The following RGS7 variants were observed in gnomAD, a reference collection of about 807,000 sequenced individuals.
The protein encoded by RGS7 is regulator of G protein signaling 7.
RGS7 carries 27 observed loss-of-function variants against 81.1 expected under a neutral mutation model. The observed-to-expected ratio is 0.33, with a 90% CI of 0.25 to 0.46. The LOEUF (loss-of-function observed/expected upper bound fraction) is 0.46. Ranked by LOEUF, RGS7 falls within the 20% of genes least tolerant of loss-of-function variation. RGS7 has a pLI of 1.00. For synonymous variants in RGS7, 208 were observed against 207.7 expected, an observed-to-expected ratio of 1.00 and a Z score of -0.01; for missense variants, 396 against 607.4, an observed-to-expected ratio of 0.65 and a Z score of 3.66.
At chr1:241,052,605 A>C (rs2061309824) in intron 3 of RGS7, among the ~76,000 whole-genome samples, 1 of 152,150 alleles carries the variant, frequency 6.6e-6, no homozygotes, top group East Asian at 1.9e-4. Context: ...CTGATGACCC[A>C]TGTCAAGGTT....
intron 3 of RGS7, chr1:240,998,670 A>G (rs1033801165): frequency 2.6e-6 from 3 of 1,151,410 alleles, no homozygotes; most frequent in African/African-American, 3.0e-5. Flanking sequence ...GCCAGGCCAA[A>G]AGGGTTCAAC....
At chr1:240,892,526 A>C (rs971677355) in intron 6 of RGS7, among the ~76,000 whole-genome samples, 1 of 152,104 alleles carries the variant, frequency 6.6e-6, no homozygotes, top group Non-Finnish European at 1.5e-5. Flanking sequence ...TTTCTTTCTT[A>C]CTGCTGTTAA....
intron 4 of RGS7, among the ~76,000 whole-genome samples, chr1:240,943,588 A>C (rs1052134880): frequency 6.6e-6 from 1 of 152,140 alleles, no homozygotes; most frequent in Admixed American, 6.5e-5. Context: ...CTTCCAATTC[A>C]ACTCTATTTT....
intron 10 of RGS7, among the ~76,000 whole-genome samples, chr1:240,826,631 G>A (rs1692881295): frequency 6.6e-6 from 1 of 152,086 alleles, no homozygotes; most frequent in Non-Finnish European, 1.5e-5. Context: ...TTTTCAAAGG[G>A]TTATTTAAAA....
intron 2 of RGS7, among the ~76,000 whole-genome samples, chr1:241,326,856 G>A (rs1352278289): frequency 1.3e-5 from 2 of 149,940 alleles, no homozygotes; most frequent in Non-Finnish European, 3.0e-5. Context: ...GCTGCGGTGA[G>A]CTGAGATCAT....
rs1206177843 is a variant in RGS7 at position 240,999,606 on chromosome 1, T to A, written c.176-16477A>T. 2.0e-5 allele frequency among the ~76,000 whole-genome samples: 3 copies of A among 152,160 alleles called. No individual in the cohort carries two copies. The South Asian group carries it at 6.2e-4, about 32-fold the overall frequency. On this transcript the variant is annotated intron_variant, in intron 3 of 18. Coordinates refer to ENST00000440928, the MANE Select transcript of RGS7 (RefSeq NM_001364886.1). ...GTTCTTGGTACGATGAGTATTTTGT[T>A]GTTGTTGTTGTTAATACAGCGTCTC...
chr1:241,275,552 T>C (rs534696600), intron 2 of RGS7, among the ~76,000 whole-genome samples: 2 of 150,928 alleles, frequency 1.3e-5, no homozygotes, highest in East Asian at 3.9e-4. Flanking sequence ...AGGCCGTCCT[T>C]CTCTCTCTCA....
At chr1:241,286,425 C>T (rs2078814399) in intron 2 of RGS7, among the ~76,000 whole-genome samples, 1 of 152,184 alleles carries the variant, frequency 6.6e-6, no homozygotes, top group South Asian at 2.1e-4. Flanking sequence ...ACGCCACTTC[C>T]GTTCCTTCCA....
chr1:240,889,291 G>T (rs1455420625), intron 6 of RGS7, among the ~76,000 whole-genome samples: 2 of 152,164 alleles, frequency 1.3e-5, no homozygotes. Context: ...TAAATTGTAA[G>T]AGGGAATCAA....
At chr1:240,933,136 C>G (rs1049326265) in intron 5 of RGS7, among the ~76,000 whole-genome samples, 1 of 151,254 alleles carries the variant, frequency 6.6e-6, no homozygotes, top group South Asian at 2.1e-4. Context: ...CCCCCCTCGG[C>G]CCCACAAAGT....
At chr1:241,267,861 CT>C (rs921819857) in intron 2 of RGS7, among the ~76,000 whole-genome samples, 9 of 152,108 alleles carry the variant, frequency 5.9e-5, no homozygotes, top group Non-Finnish European at 7.4e-5. Flanking sequence ...TTGAAGCATT[CT>C]TTTTTTCTAT....
At chr1:240,920,353 G>A in intron 6 of RGS7, 1 of 1,535,944 alleles carries the variant, frequency 6.5e-7, no homozygotes, top group Non-Finnish European at 8.9e-7. Flanking sequence ...TGTTGTGGTG[G>A]TGGATATGGT....
chr1:241,210,443 C>A (rs981173745), intron 2 of RGS7, among the ~76,000 whole-genome samples: 1 of 152,104 alleles, frequency 6.6e-6, no homozygotes. Context: ...CCACCACGCC[C>A]GGCTCCAGGA....
At chr1:241,095,001 C>G (rs1188097558) in intron 3 of RGS7, among the ~76,000 whole-genome samples, 2 of 152,216 alleles carry the variant, frequency 1.3e-5, no homozygotes. Flanking sequence ...CTAGATTATT[C>G]TTCCTAACTG....
intron 3 of RGS7, among the ~76,000 whole-genome samples, chr1:241,097,233 T>C (rs1038089539): frequency 9.2e-5 from 14 of 151,680 alleles, no homozygotes; most frequent in Non-Finnish European, 1.9e-4. Context: ...AGTGGGACGG[T>C]GAGGAGAGGA....
intron 2 of RGS7, among the ~76,000 whole-genome samples, chr1:241,114,569 T>G (rs2102968526): frequency 6.6e-6 from 1 of 152,312 alleles, no homozygotes; most frequent in Middle Eastern, 3.4e-3. Flanking sequence ...CAGAATTATG[T>G]CTTTTATAGA....
intron 2 of RGS7, among the ~76,000 whole-genome samples, chr1:241,224,714 A>G (rs1264891464): frequency 1.3e-5 from 2 of 152,158 alleles, no homozygotes; most frequent in Non-Finnish European, 2.9e-5. Flanking sequence ...CTGAGACAGC[A>G]CGAAGGCCCA....
chr1:241,259,667 A>AAAAAATATATATATATATATAT, intron 2 of RGS7, among the ~76,000 whole-genome samples: 2 of 49,146 alleles, frequency 4.1e-5, no homozygotes, highest in African/African-American at 8.0e-5. Flanking sequence ...AAAAAAAAAA[A>AAAAAATATATATATATATATAT]ATATATATAT....
rs373075494 is a variant in RGS7, at chr1:240,831,056, G to A, written c.610-3884C>T. 7.2e-5 allele frequency among the ~76,000 whole-genome samples: 11 copies of A among 152,294 alleles called. No individual in the cohort carries two copies. The East Asian group carries it at 1.9e-3, about 27-fold the overall frequency. ...TTGATTTTAAAAGTAAATGTCATTA[G>A]AGACTGAACGGTAAGATATGTTTTA... On this transcript the variant is annotated intron_variant, in intron 9 of 18. Transcript: ENST00000440928.
Sources: allele counts gnomAD v4.1 joint callset (sites outside exome capture counted in the v4.1 genomes callset), GRCh38; gene constraint gnomAD v4.1.1; transcripts MANE v1.5; gene names NCBI Gene and HGNC (gene_info 2026-07-23, HGNC 2026-07-21).